The following TSHZ2 variants were observed in gnomAD, a reference collection of about 807,000 sequenced individuals.
TSHZ2 encodes teashirt zinc finger homeobox 2.
In TSHZ2, 21 loss-of-function variants were observed where a neutral mutation model predicts 74.4. The ratio of observed to expected loss-of-function variants is 0.28; its 90% CI spans 0.20 to 0.41. The LOEUF is 0.41. TSHZ2 is among the 10% of genes least tolerant of loss of function. The probability of loss-of-function intolerance (pLI) is 1.00; values close to 1 mark genes in which losing one functional copy is unlikely to be tolerated. For missense variants in TSHZ2, 1,244 were observed against 1,293.5 expected, an observed-to-expected ratio of 0.96 and a Z score of 0.59; for synonymous variants, 540 against 515.3, an observed-to-expected ratio of 1.05 and a Z score of -0.65.
At chr20:53,389,550 G>C in intron 2 of TSHZ2, among the ~76,000 whole-genome samples, 1 of 152,216 alleles carries the variant, frequency 6.6e-6, no homozygotes, top group East Asian at 1.9e-4. Context: ...GCTAGGAGGA[G>C]GTGACAGAGT....
intron 1 of TSHZ2, among the ~76,000 whole-genome samples, chr20:53,103,122 A>T (rs560106146): frequency 6.6e-6 from 1 of 152,240 alleles, no homozygotes; most frequent in Non-Finnish European, 1.5e-5. Flanking sequence ...AAAGAAAAAA[A>T]GTTCTAAAGC....
chr20:53,376,418 G>A (rs1044500951), intron 2 of TSHZ2, among the ~76,000 whole-genome samples: 16 of 152,210 alleles, frequency 1.1e-4, no homozygotes, highest in Admixed American at 3.9e-4. Flanking sequence ...ACTTGTTACT[G>A]CTAGGATCCT....
chr20:53,066,037 G>A (rs906142387), intron 1 of TSHZ2, among the ~76,000 whole-genome samples: 2 of 152,140 alleles, frequency 1.3e-5, no homozygotes, highest in East Asian at 1.9e-4. Flanking sequence ...AGGCTATTCC[G>A]GAACTGCTGG....
intron 2 of TSHZ2, among the ~76,000 whole-genome samples, chr20:53,402,303 C>A (rs1279951916): frequency 1.3e-5 from 2 of 152,180 alleles, no homozygotes; most frequent in Non-Finnish European, 2.9e-5. Context: ...TACTAGTTTA[C>A]ATTCCCACTG....
intron 2 of TSHZ2, among the ~76,000 whole-genome samples, chr20:53,275,059 T>A (rs1294291012): frequency 6.6e-6 from 1 of 152,212 alleles, no homozygotes; most frequent in Non-Finnish European, 1.5e-5. Flanking sequence ...TGGAAAGGTC[T>A]GTGTCAGGAA....
chr20:53,190,131 A>ATTTT (rs1263239847), intron 1 of TSHZ2, among the ~76,000 whole-genome samples: 12 of 87,020 alleles, frequency 1.4e-4, no homozygotes, highest in African/African-American at 5.7e-4. Context: ...ATATATATAT[A>ATTTT]TATATATTTT....
intron 2 of TSHZ2, among the ~76,000 whole-genome samples, chr20:53,299,816 C>T (rs976435300): frequency 3.3e-5 from 5 of 152,190 alleles, no homozygotes; most frequent in Non-Finnish European, 7.3e-5. Flanking sequence ...ACTTAATTCC[C>T]AGGTTCTCAG....
At chr20:53,364,532 C>A (rs974191932) in intron 2 of TSHZ2, among the ~76,000 whole-genome samples, 6 of 152,188 alleles carry the variant, frequency 3.9e-5, no homozygotes, top group Non-Finnish European at 8.8e-5. Flanking sequence ...GATTACCCAG[C>A]CCCACTTGTC....
Position 53,488,651 on chromosome 20 carries a change from A to T in TSHZ2, c.*1516A>T, listed in dbSNP as rs1474502784. The T allele has an allele frequency of 3.7e-6, 1 of 272,116 alleles. No individual in the cohort carries two copies. The highest frequency in any genetic ancestry group is 7.1e-6 in the Non-Finnish European group (1 of 140,778). The allele number at this position is 272,116 out of a possible 1,614,324, so 16.9% of individuals were successfully genotyped here. On this transcript the variant is annotated 3_prime_UTR_variant, in exon 3 of 3. Transcript: ENST00000371497. ...TACTATTCTAGGCACAACACTAGGA[A>T]CTAGGTGATTCTGAAACAAAAGGAA...
At chr20:53,211,826 C>A (rs1250769887) in intron 1 of TSHZ2, among the ~76,000 whole-genome samples, 1 of 152,130 alleles carries the variant, frequency 6.6e-6, no homozygotes, top group Non-Finnish European at 1.5e-5. Context: ...TGCCAGTGTA[C>A]CCGTCACCCC....
chr20:53,181,519 C>T (rs1313232933), intron 1 of TSHZ2, among the ~76,000 whole-genome samples: 3 of 152,200 alleles, frequency 2.0e-5, no homozygotes, highest in African/African-American at 7.2e-5. Flanking sequence ...ACTGAGCCCA[C>T]AGACACAGAA....
At chr20:53,261,272 C>T (rs989278028) in intron 2 of TSHZ2, among the ~76,000 whole-genome samples, 4 of 152,202 alleles carry the variant, frequency 2.6e-5, no homozygotes, top group Non-Finnish European at 5.9e-5. Context: ...AGCTATCAAA[C>T]ATTGCAACTC....
chr20:53,029,855 G>A (rs1983574139), intron 1 of TSHZ2, among the ~76,000 whole-genome samples: 1 of 151,772 alleles, frequency 6.6e-6, no homozygotes, highest in Non-Finnish European at 1.5e-5. Context: ...GAAATTTGGA[G>A]TTTTTTTGAT....
chr20:53,197,101 C>T (rs1433006087), intron 1 of TSHZ2, among the ~76,000 whole-genome samples: 2 of 152,174 alleles, frequency 1.3e-5, no homozygotes, highest in Non-Finnish European at 1.5e-5. Context: ...GTGACTTTGT[C>T]TTTGACATTA....
At position 53,358,394 on chromosome 20, in the gene TSHZ2, G is replaced by A. The variant is rs146820633; in HGVS notation, c.*8+101823G>A. ...CTCATTCTGTCACCCAGGCTGGAGT[G>A]CAGTGGCAGGATCTCGACTCACGGC... On this transcript the variant is annotated intron_variant, in intron 2 of 2. Coordinates refer to ENST00000371497, the MANE Select transcript of TSHZ2 (RefSeq NM_173485.6). 4.2e-3 allele frequency among the ~76,000 whole-genome samples: 572 copies of A among 135,292 alleles called. 6 individuals carry two copies. Among genetic ancestry groups the A allele is most frequent in the African/African-American group, 0.015 (542 of 35,420 alleles). The allele number at this position is 135,292 out of a possible 152,430, so 88.8% of individuals were successfully genotyped here.
chr20:53,348,997 T>C (rs971709628), intron 2 of TSHZ2, among the ~76,000 whole-genome samples: 3 of 152,232 alleles, frequency 2.0e-5, no homozygotes, highest in African/African-American at 7.2e-5. Context: ...CAAAATGACC[T>C]GGCCTGCTTC....
intron 1 of TSHZ2, among the ~76,000 whole-genome samples, chr20:53,228,603 C>T (rs892277469): frequency 6.6e-6 from 1 of 151,598 alleles, no homozygotes; most frequent in African/African-American, 2.4e-5. Context: ...AGTGGCACCA[C>T]CTCCCGAGTT....
intron 1 of TSHZ2, among the ~76,000 whole-genome samples, chr20:53,239,937 A>G (rs951180973): frequency 7.9e-5 from 12 of 152,200 alleles, no homozygotes; most frequent in Admixed American, 7.2e-4. Flanking sequence ...CAAATTAGAT[A>G]TATTATGAAG....
chr20:52,979,395 A>G (rs945968133), intron 1 of TSHZ2, among the ~76,000 whole-genome samples: 4 of 152,348 alleles, frequency 2.6e-5, no homozygotes, highest in Non-Finnish European at 4.4e-5. Context: ...CATAGTTTCA[A>G]CTTTAACTTG....
Sources: allele counts gnomAD v4.1 joint callset (sites outside exome capture counted in the v4.1 genomes callset), GRCh38; gene constraint gnomAD v4.1.1; transcripts MANE v1.5; gene names NCBI Gene and HGNC (gene_info 2026-07-23, HGNC 2026-07-21).